Variants in GRID2 observed in about 807,000 individuals in gnomAD.
GRID2 encodes glutamate ionotropic receptor delta type subunit 2.
GRID2 carries 33 observed loss-of-function variants against 114.8 expected under a neutral mutation model. That is an observed-to-expected ratio of 0.29 (90% CI 0.22 to 0.38). The LOEUF is 0.38. Ranked by LOEUF, GRID2 falls within the 10% of genes least tolerant of loss-of-function variation. The pLI is 1.00. For synonymous variants in GRID2, 505 were observed against 449.9 expected (o/e 1.12, Z -1.55); for missense variants, 1,184 against 1,257.7 (o/e 0.94, Z 0.89).
intron 13 of GRID2, among the ~76,000 whole-genome samples, chr4:93,555,999 G>A (rs941140851): frequency 3.3e-5 from 5 of 152,170 alleles, no homozygotes; most frequent in African/African-American, 9.7e-5. Flanking sequence ...AACTCCAGCA[G>A]ACCTGCAGCA....
At chr4:92,356,054 C>A (rs538417830) in intron 1 of GRID2, among the ~76,000 whole-genome samples, 1 of 151,708 alleles carries the variant, frequency 6.6e-6, no homozygotes, top group African/African-American at 2.4e-5. Context: ...AAATCTAGAT[C>A]TTATATTTAT....
At chr4:92,318,214 A>G (rs1351369095) in intron 1 of GRID2, among the ~76,000 whole-genome samples, 1 of 151,352 alleles carries the variant, frequency 6.6e-6, no homozygotes, top group African/African-American at 2.4e-5. Context: ...GGAGAGGTAC[A>G]TAGTTTCAAC....
intron 13 of GRID2, among the ~76,000 whole-genome samples, chr4:93,525,463 A>G (rs1164598315): frequency 1.3e-5 from 2 of 152,174 alleles, no homozygotes; most frequent in Non-Finnish European, 2.9e-5. Context: ...GGAACTTGCT[A>G]ATTGGACATT....
chr4:93,238,448 T>G lies in GRID2; in HGVS notation c.1203T>G (p.Leu401=). ...ATCCCAATGTCCACTTTGAAATCCT[T>G]GGAACCAACTATGGAGAAGAGCTTG... is the stretch of plus-strand genomic sequence containing the variant. ...GGNPNVHFEI[L]GTNYGEELGR... is the part of the protein sequence containing the mutation. The change falls in exon 8 of 16, where the codon CTT becomes CTG. Residue 401 remains leucine (L), a synonymous_variant. Transcript: ENST00000282020. 3 of 1,610,128 alleles carry G rather than the reference T, an allele frequency of 1.9e-6. No individual in the cohort carries two copies. Among genetic ancestry groups the G allele is most frequent in the Non-Finnish European group, 2.5e-6 (3 of 1,176,926 alleles).
intron 8 of GRID2, among the ~76,000 whole-genome samples, chr4:93,376,022 C>T (rs1379088960): frequency 6.6e-6 from 1 of 152,120 alleles, no homozygotes. Context: ...GTCTTCTTTG[C>T]ACCCGATGGC....
intron 8 of GRID2, among the ~76,000 whole-genome samples, chr4:93,257,999 TACAC>T (rs3970979): frequency 0.065 from 2,327 of 35,912 alleles, 54 homozygotes; most frequent in African/African-American, 0.21. Flanking sequence ...TATATATATA[TACAC>T]ACACACACAC....
At position 92,411,653 on chromosome 4, in the gene GRID2, GTGTATATA is replaced by G. The variant is rs1182696338; in HGVS notation, c.88+106911_88+106918del. Among the ~76,000 whole-genome samples, 6 of 98,832 alleles carry G rather than the reference GTGTATATA, an allele frequency of 6.1e-5. No homozygotes were observed. The South Asian group carries it at 1.3e-3, about 22-fold the overall frequency. 64.8% of individuals were successfully genotyped at this position (98,832 alleles called of 152,430 possible). A position where few individuals can be genotyped will look rare whatever the true frequency, so the allele number is the denominator to read the frequency against. On this transcript the variant is annotated intron_variant, in intron 1 of 15. Coordinates refer to ENST00000282020, the MANE Select transcript of GRID2 (RefSeq NM_001510.4). ...TGTGTGTGTGTGTGTGTGTGTGTGT[GTGTATATA>G]TATATATATATATATATGAAATATA...
At chr4:92,641,180 C>G (rs1178527397) in intron 2 of GRID2, among the ~76,000 whole-genome samples, 8 of 151,594 alleles carry the variant, frequency 5.3e-5, no homozygotes, top group African/African-American at 1.9e-4. Flanking sequence ...ATACCTGAAT[C>G]TCTCAATTTT....
At chr4:92,863,477 A>G (rs1744663082) in intron 2 of GRID2, among the ~76,000 whole-genome samples, 3 of 152,172 alleles carry the variant, frequency 2.0e-5, no homozygotes, top group East Asian at 1.9e-4. Flanking sequence ...TCAATAAATG[A>G]CAACGGAAAA....
intron 5 of GRID2, among the ~76,000 whole-genome samples, chr4:93,216,350 A>G (rs893922937): frequency 2.6e-5 from 4 of 151,612 alleles, no homozygotes; most frequent in African/African-American, 9.8e-5. Flanking sequence ...TTACCTTCCT[A>G]GATACTCAAA....
At chr4:93,295,181 G>A (rs1444503535) in intron 8 of GRID2, among the ~76,000 whole-genome samples, 2 of 152,144 alleles carry the variant, frequency 1.3e-5, no homozygotes, top group African/African-American at 2.4e-5. Flanking sequence ...CCAGGCTGGA[G>A]ATTAAAAATA....
At chr4:93,476,999 A>T (rs1233200697) in intron 11 of GRID2, among the ~76,000 whole-genome samples, 2 of 152,142 alleles carry the variant, frequency 1.3e-5, no homozygotes, top group African/African-American at 4.8e-5. Flanking sequence ...ATAAGAAAAT[A>T]TCACAGAGTG....
At chr4:92,826,651 C>T (rs1229142262) in intron 2 of GRID2, among the ~76,000 whole-genome samples, 1 of 152,084 alleles carries the variant, frequency 6.6e-6, no homozygotes, top group Non-Finnish European at 1.5e-5. Flanking sequence ...TACTAGACTA[C>T]TTGCATTACA....
At chr4:92,869,872 C>T (rs1292783186) in intron 2 of GRID2, among the ~76,000 whole-genome samples, 1 of 152,098 alleles carries the variant, frequency 6.6e-6, no homozygotes, top group Admixed American at 6.6e-5. Context: ...CTATCATTTT[C>T]TGAAATGTTT....
At chr4:93,284,741 A>G (rs886228892) in intron 8 of GRID2, among the ~76,000 whole-genome samples, 1 of 152,028 alleles carries the variant, frequency 6.6e-6, no homozygotes, top group African/African-American at 2.4e-5. Context: ...TAGAGGAAAA[A>G]TATAATTAAT....
chr4:92,585,197 T>G (rs1728371177), intron 1 of GRID2, among the ~76,000 whole-genome samples: 1 of 151,336 alleles, frequency 6.6e-6, no homozygotes. Flanking sequence ...AGAGAAAAAG[T>G]GAGGGGAAAA....
rs1017447533 is a variant in GRID2 at position 92,637,415 on chromosome 4, A to T, written c.244+47129A>T. On this transcript the variant is annotated intron_variant, in intron 2 of 15. Coordinates refer to ENST00000282020, the MANE Select transcript of GRID2 (RefSeq NM_001510.4). ...AGAATGTATATTTTTGGCATAATGA[A>T]ACACAATGCTTGGTCTTCTTCTAAG... Among the ~76,000 whole-genome samples, 5 of 152,170 alleles carry T rather than the reference A, an allele frequency of 3.3e-5. No homozygotes were observed. In the East Asian group the frequency reaches 9.7e-4, roughly 30 times the overall value.
intron 13 of GRID2, among the ~76,000 whole-genome samples, chr4:93,529,124 G>C (rs1323409720): frequency 6.6e-6 from 1 of 152,154 alleles, no homozygotes. Flanking sequence ...ATCACAATTT[G>C]AGTGGTTCTC....
chr4:93,265,752 A>T (rs543972190), intron 8 of GRID2, among the ~76,000 whole-genome samples: 1 of 152,188 alleles, frequency 6.6e-6, no homozygotes, highest in Admixed American at 6.5e-5. Flanking sequence ...GAGTCCACTG[A>T]AGGAATAAAG....
Sources: allele counts gnomAD v4.1 joint callset (sites outside exome capture counted in the v4.1 genomes callset), GRCh38; gene constraint gnomAD v4.1.1; transcripts MANE v1.5; gene names NCBI Gene and HGNC (gene_info 2026-07-23, HGNC 2026-07-21).